Variants in GALNTL6 observed in about 807,000 individuals in gnomAD.
The protein encoded by GALNTL6 is polypeptide N-acetylgalactosaminyltransferase-like 6.
GALNTL6 carries 46 observed loss-of-function variants against 73.7 expected under a neutral mutation model. That is an observed-to-expected ratio of 0.62 (90% CI 0.49 to 0.80). The LOEUF is 0.80. Among genes scored for constraint, GALNTL6 ranks in the 30% least tolerant of loss-of-function variants. The pLI, the probability that GALNTL6 is intolerant of heterozygous loss-of-function variation, is 0.00. For missense variants in GALNTL6, 604 were observed against 755.0 expected (o/e 0.80, Z 2.34); for synonymous variants, 259 against 263.7 (o/e 0.98, Z 0.17).
At chr4:172,528,854 C>A (rs188735087) in intron 5 of GALNTL6, among the ~76,000 whole-genome samples, 3 of 148,010 alleles carry the variant, frequency 2.0e-5, no homozygotes, top group South Asian at 4.3e-4. Context: ...CTTTTGCATA[C>A]ATTATATTTT....
chr4:172,870,650 G>A (rs548695050), intron 7 of GALNTL6, among the ~76,000 whole-genome samples: 21 of 152,300 alleles, frequency 1.4e-4, no homozygotes, highest in African/African-American at 5.1e-4. Context: ...AGGTTACAGG[G>A]CAGTGTGAGC....
intron 5 of GALNTL6, among the ~76,000 whole-genome samples, chr4:172,536,436 A>C (rs1441857493): frequency 6.6e-6 from 1 of 152,220 alleles, no homozygotes; most frequent in Non-Finnish European, 1.5e-5. Context: ...AAATGCTGAT[A>C]GTGATATAAA....
At chr4:172,312,237 T>A (rs1740387398) in intron 4 of GALNTL6, among the ~76,000 whole-genome samples, 1 of 152,190 alleles carries the variant, frequency 6.6e-6, no homozygotes, top group Non-Finnish European at 1.5e-5. Context: ...TGGTTCAATT[T>A]CTTGTCACTT....
intron 2 of GALNTL6, among the ~76,000 whole-genome samples, chr4:172,204,272 G>C (rs569246678): frequency 1.1e-4 from 17 of 152,084 alleles, no homozygotes; most frequent in African/African-American, 3.9e-4. Flanking sequence ...TTAAAACTGC[G>C]TCAATGTAAT....
intron 2 of GALNTL6, among the ~76,000 whole-genome samples, chr4:172,153,143 G>A (rs559762265): frequency 2.2e-4 from 33 of 152,262 alleles, no homozygotes; most frequent in South Asian, 1.7e-3. Context: ...CATTTCCATC[G>A]TTGTGTGGAG....
At chr4:172,266,958 G>T (rs928761099) in intron 3 of GALNTL6, among the ~76,000 whole-genome samples, 10 of 152,196 alleles carry the variant, frequency 6.6e-5, no homozygotes, top group Non-Finnish European at 1.2e-4. Flanking sequence ...CAGGAATTTT[G>T]ATTGAGTATA....
intron 3 of GALNTL6, among the ~76,000 whole-genome samples, chr4:172,244,272 T>C (rs1348595614): frequency 6.6e-6 from 1 of 152,050 alleles, no homozygotes; most frequent in African/African-American, 2.4e-5. Context: ...TTTAGCTGTC[T>C]AAAATTAGAA....
intron 5 of GALNTL6, among the ~76,000 whole-genome samples, chr4:172,374,273 C>T (rs2111265052): frequency 6.6e-6 from 1 of 152,336 alleles, no homozygotes; most frequent in East Asian, 1.9e-4. Flanking sequence ...TGCGGCCTTT[C>T]TCTGATCTCG....
chr4:172,870,160 A>G (rs762510284), intron 7 of GALNTL6, among the ~76,000 whole-genome samples: 5 of 152,180 alleles, frequency 3.3e-5, no homozygotes, highest in Non-Finnish European at 5.9e-5. Flanking sequence ...CCACAAGAAC[A>G]TTTAAGGATC....
chr4:172,347,618 C>T (rs1741795466), intron 4 of GALNTL6, among the ~76,000 whole-genome samples: 1 of 152,140 alleles, frequency 6.6e-6, no homozygotes, highest in Admixed American at 6.5e-5. Context: ...TATCTTACTA[C>T]ACTCCCATGG....
At chr4:172,092,716 A>G (rs1732239034) in intron 2 of GALNTL6, among the ~76,000 whole-genome samples, 2 of 152,088 alleles carry the variant, frequency 1.3e-5, no homozygotes, top group African/African-American at 4.8e-5. Flanking sequence ...AAAAACAGCA[A>G]GAGACACACA....
intron 11 of GALNTL6, among the ~76,000 whole-genome samples, chr4:173,012,436 G>A (rs1037610320): frequency 2.0e-5 from 3 of 152,166 alleles, no homozygotes; most frequent in Non-Finnish European, 4.4e-5. Context: ...ACAATCCAGA[G>A]ATGTTCAGTC....
chr4:172,825,813 T>C (rs887021588), intron 7 of GALNTL6, among the ~76,000 whole-genome samples: 1 of 152,176 alleles, frequency 6.6e-6, no homozygotes, highest in East Asian at 1.9e-4. Flanking sequence ...CAGAAGCTAG[T>C]GTGGGATCAG....
chr4:171,973,532 T>A (rs1237504284), intron 2 of GALNTL6, among the ~76,000 whole-genome samples: 1 of 152,144 alleles, frequency 6.6e-6, no homozygotes, highest in African/African-American at 2.4e-5. Flanking sequence ...TGTGTCCAAA[T>A]TTTTCTCTTA....
At chr4:172,502,415 G>A (rs766329798) in intron 5 of GALNTL6, among the ~76,000 whole-genome samples, 1 of 152,094 alleles carries the variant, frequency 6.6e-6, no homozygotes, top group Non-Finnish European at 1.5e-5. Context: ...TTATAACTAT[G>A]GTGAACATTG....
rs534876570 is a variant in GALNTL6, at chr4:172,550,581, G to T, written c.553+201892G>T. Among the ~76,000 whole-genome samples, 4 of 152,208 alleles carry T rather than the reference G, an allele frequency of 2.6e-5. No individual in the cohort carries two copies. In the South Asian group the frequency reaches 8.3e-4, roughly 32 times the overall value. On this transcript the variant is annotated intron_variant, in intron 5 of 12. Coordinates refer to ENST00000506823, the MANE Select transcript of GALNTL6 (RefSeq NM_001034845.3). ...AGCTCTAAATTTTAAACTGCAAATTGCAATTTAAAATTTATTTTATTTTAT... is the reference window on the plus strand; with the variant it reads ...AGCTCTAAATTTTAAACTGCAAATTTCAATTTAAAATTTATTTTATTTTAT...
chr4:172,903,717 C>G (rs1561024515), intron 8 of GALNTL6, among the ~76,000 whole-genome samples: 1 of 152,116 alleles, frequency 6.6e-6, no homozygotes, highest in Non-Finnish European at 1.5e-5. Context: ...TGAGGTCCTT[C>G]AAGTTGGAAT....
intron 5 of GALNTL6, among the ~76,000 whole-genome samples, chr4:172,765,634 T>G (rs1240080832): frequency 6.6e-6 from 1 of 152,122 alleles, no homozygotes; most frequent in Non-Finnish European, 1.5e-5. Flanking sequence ...AGAAAATAGA[T>G]GGGTGATAAA....
intron 2 of GALNTL6, among the ~76,000 whole-genome samples, chr4:172,149,266 T>C (rs1560942432): frequency 6.6e-6 from 1 of 152,218 alleles, no homozygotes; most frequent in African/African-American, 2.4e-5. Context: ...TATTTTCTAA[T>C]TCATGTTCAT....
Sources: gnomAD v4.1 joint callset for allele counts (sites outside exome capture counted in the v4.1 genomes callset) on GRCh38, gnomAD v4.1.1 for gene constraint, MANE v1.5 for transcripts, NCBI Gene and HGNC (gene_info 2026-07-23, HGNC 2026-07-21) for gene names.